The following SLC25A38 variants were observed in gnomAD, a reference collection of about 807,000 sequenced individuals.
SLC25A38 encodes solute carrier family 25 member 38, also known as mitochondrial glycine transporter.
SLC25A38 carries 27 observed loss-of-function variants against 33.4 expected under a neutral mutation model. The ratio of observed to expected loss-of-function variants is 0.81; its 90% CI spans 0.60 to 1.11. The LOEUF is 1.11. Among genes scored for constraint, SLC25A38 ranks in the 50% most tolerant of loss-of-function variants. SLC25A38 has a pLI of 0.00. For missense variants in SLC25A38, 344 were observed against 388.8 expected (o/e 0.88, Z 0.97); for synonymous variants, 123 against 145.9 (o/e 0.84, Z 1.13).
chr3:39,391,221 G>A (rs2041762566), intron 3 of SLC25A38, among the ~76,000 whole-genome samples: 1 of 152,120 alleles, frequency 6.6e-6, no homozygotes, highest in Non-Finnish European at 1.5e-5. Context: ...GTTCCCCAGT[G>A]GGATTAAGTT....
At position 39,394,434 on chromosome 3, in the gene SLC25A38, C is replaced by T. The variant is rs2041806386; in HGVS notation, c.650C>T (p.Pro217Leu). The T allele has an allele frequency of 1.2e-6, 2 of 1,613,304 alleles. No homozygotes were observed. Among genetic ancestry groups the T allele is most frequent in the African/African-American group, 2.7e-5 (2 of 75,018 alleles). The change falls in exon 6 of 7, where the codon CCT becomes CTT. Residue 217 changes from proline to leucine, a missense_variant. Pro to Leu is a moderately conservative substitution (Grantham distance 98, BLOSUM62 -3). Around this residue, in one of 2 missense-constraint regions of SLC25A38, gnomAD observed 75 missense variants for 117.0 expected, o/e 0.64. Coordinates refer to ENST00000650617, the MANE Select transcript of SLC25A38 (RefSeq NM_017875.4). ...PHDQVDATLI[P>L]ITNFSCGIFA... ...GACCAGGTGGATGCAACCCTTATTCCTATTACAAATTTCAGCTGTGGGATA... is the reference window on the plus strand; with the variant it reads ...GACCAGGTGGATGCAACCCTTATTCTTATTACAAATTTCAGCTGTGGGATA...
At chr3:39,387,050 G>T (rs2041714971) in intron 1 of SLC25A38, among the ~76,000 whole-genome samples, 1 of 152,124 alleles carries the variant, frequency 6.6e-6, no homozygotes, top group South Asian at 2.1e-4. Flanking sequence ...AGAGAAGTGG[G>T]AGGAAACCCA....
In SLC25A38 at chr3:39,389,937, GTTT is replaced by G. The variant is rs1272256156; in HGVS notation, c.191+324_191+326del. ...AATAACATCAGTATTATCTGTTTTT[GTTT>G]TTGTTTTATTTGTTTTTTGAGGCAG... On this transcript the variant is annotated intron_variant, in intron 2 of 6. Transcript: ENST00000650617. This position sits in a 1 kb window ranked among gnomAD's most constrained non-coding sequence, Gnocchi z 4.5. Among the ~76,000 whole-genome samples, 1 of 152,078 alleles carries G rather than the reference GTTT, an allele frequency of 6.6e-6. No homozygotes were observed.
chr3:39,396,677 A>G lies in SLC25A38; in HGVS notation c.*157A>G, dbSNP rs2041834342. ...CTTCAGTAATCCCCTTAAGGAGAAAATATATGGACCTGATTTCAGCCTTCA... is the reference window on the plus strand; with the variant it reads ...CTTCAGTAATCCCCTTAAGGAGAAAGTATATGGACCTGATTTCAGCCTTCA... On this transcript the variant is annotated 3_prime_UTR_variant, in exon 7 of 7. Coordinates refer to ENST00000650617, the MANE Select transcript of SLC25A38 (RefSeq NM_017875.4). The G allele has an allele frequency of 8.7e-7, 1 of 1,150,628 alleles. No homozygotes were observed. Among genetic ancestry groups the G allele is most frequent in the Non-Finnish European group, 1.3e-6 (1 of 787,610 alleles). The allele number at this position is 1,150,628 out of a possible 1,614,324, so 71.3% of individuals were successfully genotyped here.
intron 1 of SLC25A38, chr3:39,388,225 G>A (rs1333273557): frequency 2.6e-5 from 4 of 152,238 alleles, no homozygotes; most frequent in African/African-American, 9.6e-5. Context: ...TGTAGATACA[G>A]ACTTGCTAAA....
At chr3:39,385,174 A>C (rs1023248518) in intron 1 of SLC25A38, among the ~76,000 whole-genome samples, 2 of 151,950 alleles carry the variant, frequency 1.3e-5, no homozygotes, top group African/African-American at 4.8e-5. Context: ...AAATCTTAAG[A>C]CCATTCAGTA....
chr3:39,391,773 C>T lies in SLC25A38; in HGVS notation c.457-80C>T, dbSNP rs965808910. ...TGTGAACTAGATCCCATGGTAATGC[C>T]CCATAACCTGCAGTCTGCTTGTTCA... On this transcript the variant is annotated intron_variant, in intron 4 of 6. Coordinates refer to ENST00000650617, the MANE Select transcript of SLC25A38 (RefSeq NM_017875.4). The T allele has an allele frequency of 1.9e-6, 3 of 1,603,358 alleles. No individual in the cohort carries two copies. In the African/African-American group the frequency reaches 4.0e-5, roughly 21 times the overall value.
intron 6 of SLC25A38, among the ~76,000 whole-genome samples, chr3:39,395,715 C>T (rs776337444): frequency 6.6e-6 from 1 of 151,772 alleles, no homozygotes; most frequent in Non-Finnish European, 1.5e-5. Context: ...CAAGAAGGCA[C>T]CTTTTCCTTC....
At chr3:39,384,390 G>C (rs568867854) in intron 1 of SLC25A38, 1 of 316,620 alleles carries the variant, frequency 3.2e-6, no homozygotes, top group South Asian at 1.5e-4. Flanking sequence ...GGCTGGCGGC[G>C]TGGTTGCCCG....
chr3:39,384,775 T>C, intron 1 of SLC25A38: 1 of 397,782 alleles, frequency 2.5e-6, no homozygotes, highest in Non-Finnish European at 4.4e-6. Flanking sequence ...TTACCTTGAA[T>C]ATATTTTTGA....
intron 4 of SLC25A38, 97 bp downstream of exon 4, chr3:39,391,717 C>A: frequency 6.2e-7 from 1 of 1,602,302 alleles, no homozygotes; most frequent in Non-Finnish European, 8.5e-7. Context: ...TGTAATCTAA[C>A]ATAGAGTCTG....
intron 6 of SLC25A38, among the ~76,000 whole-genome samples, chr3:39,395,527 A>G (rs1367423542): frequency 6.6e-6 from 1 of 152,198 alleles, no homozygotes; most frequent in African/African-American, 2.4e-5. Context: ...GTAAATGTGA[A>G]TTTGTGTTCT....
intron 6 of SLC25A38, among the ~76,000 whole-genome samples, chr3:39,395,923 G>T (rs2041822911): frequency 6.7e-6 from 1 of 149,618 alleles, no homozygotes; most frequent in Non-Finnish European, 1.5e-5. Flanking sequence ...AAAAAAAATG[G>T]TTTTTGGCCA....
At position 39,390,483 on chromosome 3, in the gene SLC25A38, G is replaced by A. The variant is rs1430286802; in HGVS notation, c.252G>A (p.Leu84=). ...LLKVVRTESL[L]GLWKGMSPSI... is the part of the protein sequence containing the mutation. Reference sequence around the variant, plus strand: ...AGGTGGTTCGCACGGAGAGTCTTTTGGGCCTTTGGAAAGGGATGTCCCCTG... The same window carrying A: ...AGGTGGTTCGCACGGAGAGTCTTTTAGGCCTTTGGAAAGGGATGTCCCCTG... The change falls in exon 3 of 7, where the codon TTG becomes TTA. Residue 84 remains leucine (L), a synonymous_variant. Coordinates refer to ENST00000650617, the MANE Select transcript of SLC25A38 (RefSeq NM_017875.4). 1 of 1,614,064 alleles carries A rather than the reference G, an allele frequency of 6.2e-7. No individual in the cohort carries two copies. The highest frequency in any genetic ancestry group is 1.1e-5 in the South Asian group (1 of 91,074).
chr3:39,387,066 G>A lies in SLC25A38; in HGVS notation c.70-2429G>A, dbSNP rs138422512. On this transcript the variant is annotated intron_variant, in intron 1 of 6. Transcript: ENST00000650617. ...GAGAAGTGGGAGGAAACCCAGGACA[G>A]TATTAATCTCTGAAGCCAAAGGAAG... Among the ~76,000 whole-genome samples the A allele has an allele frequency of 1.9e-3, 293 of 152,294 alleles. 3 individuals carry two copies. Among genetic ancestry groups the A allele is most frequent in the Admixed American group, 0.011 (164 of 15,296 alleles).
intron 6 of SLC25A38, among the ~76,000 whole-genome samples, chr3:39,395,908 C>A (rs1467097099): frequency 1.1e-4 from 16 of 144,854 alleles, no homozygotes; most frequent in South Asian, 2.2e-4. Context: ...CCAGCAACTA[C>A]AAAAAAAAAA....
chr3:39,392,070 T>C (rs2041777690), intron 5 of SLC25A38, 49 bp downstream of exon 5: 1 of 1,607,926 alleles, frequency 6.2e-7, no homozygotes, highest in Non-Finnish European at 8.5e-7. Flanking sequence ...AGACATCAGA[T>C]CCTCACCATT....
rs2041766879 is a variant in SLC25A38, at chr3:39,391,522, C to T, written c.358C>T (p.Pro120Ser). 3.1e-6 allele frequency: 5 copies of T among 1,614,098 alleles called. No homozygotes were observed. The highest frequency in any genetic ancestry group is 1.3e-5 in the African/African-American group (1 of 74,922). The change falls in exon 4 of 7, where the codon CCC becomes TCC. Residue 120 changes from proline (P) to serine (S), a missense_variant. By Grantham distance (74) the Pro-to-Ser change is moderately conservative. Transcript: ENST00000650617. Reference sequence around the variant, plus strand: ...GAAGCAGTATTTCTTGCGAGGCCATCCCCCAACCGCCCTGGAGTCAGTCAT... The same window carrying T: ...GAAGCAGTATTTCTTGCGAGGCCATTCCCCAACCGCCCTGGAGTCAGTCAT... ...SLKQYFLRGH[P>S]PTALESVMLG...
intron 1 of SLC25A38, 88 bp downstream of exon 1, chr3:39,383,881 C>T: frequency 6.9e-7 from 1 of 1,443,312 alleles, no homozygotes. Context: ...CTCGGCTACC[C>T]TTTTCCGCGC....
Sources: allele counts gnomAD v4.1 joint callset (sites outside exome capture counted in the v4.1 genomes callset), GRCh38; gene constraint gnomAD v4.1.1; regional missense constraint gnomAD v4.1.1; non-coding constraint Gnocchi (gnomAD v3.1); transcripts MANE v1.5; gene names NCBI Gene and HGNC (gene_info 2026-07-23, HGNC 2026-07-21).